TNR: variants seen among roughly 807,000 people sequenced by gnomAD.
The protein encoded by TNR is tenascin R, also known as tenascin-R.
In TNR, 45 loss-of-function variants were observed where a neutral mutation model predicts 150.4. That is an observed-to-expected ratio of 0.30 (90% CI 0.24 to 0.38). TNR has a LOEUF of 0.38. Ranked by LOEUF, TNR falls within the 10% of genes least tolerant of loss-of-function variation. The probability of loss-of-function intolerance (pLI) is 1.00; values close to 1 mark genes in which losing one functional copy is unlikely to be tolerated. For missense variants in TNR, 1,544 were observed against 1,759.1 expected (o/e 0.88, Z 2.19); for synonymous variants, 687 against 678.4 (o/e 1.01, Z -0.20).
chr1:175,646,121 C>T (rs10913045), intron 1 of TNR, among the ~76,000 whole-genome samples: 46,900 of 151,974 alleles, frequency 0.31, 9,000 homozygotes, highest in East Asian at 0.53. Context: ...TCTAGTTGCA[C>T]GCATTTATAT....
chr1:175,542,588 C>T (rs180909807), intron 1 of TNR, among the ~76,000 whole-genome samples: 73 of 152,314 alleles, frequency 4.8e-4, no homozygotes, highest in African/African-American at 1.5e-3. Context: ...ACCCACACCT[C>T]CAAGCAATGG....
chr1:175,424,007 A>C (rs1000151933), intron 2 of TNR, among the ~76,000 whole-genome samples: 8 of 152,208 alleles, frequency 5.3e-5, no homozygotes, highest in Non-Finnish European at 1.2e-4. Flanking sequence ...TTGAAAAAAA[A>C]GTTTTTTTCT....
At chr1:175,357,485 ATG>A (rs757876121) in intron 15 of TNR, among the ~76,000 whole-genome samples, 2 of 152,234 alleles carry the variant, frequency 1.3e-5, no homozygotes, top group Non-Finnish European at 2.9e-5. Flanking sequence ...TTGGAAGAGC[ATG>A]TATAAGGATA....
At position 175,542,976 on chromosome 1, in the gene TNR, G is replaced by A. The variant is rs576706338; in HGVS notation, c.-164-14607C>T. On this transcript the variant is annotated intron_variant, in intron 1 of 22. Transcript: ENST00000367674. Reference sequence around the variant, plus strand: ...AGACAGAGCTCAGGGCCAGATTCATGGGCATGAGACACAACCATGCAGTCA... The same window carrying A: ...AGACAGAGCTCAGGGCCAGATTCATAGGCATGAGACACAACCATGCAGTCA... Among the ~76,000 whole-genome samples the A allele has an allele frequency of 2.6e-5, 4 of 152,238 alleles. No homozygotes were observed. In the East Asian group the frequency reaches 5.8e-4, roughly 22 times the overall value.
At chr1:175,505,297 A>T (rs1435831020) in intron 2 of TNR, among the ~76,000 whole-genome samples, 1 of 152,222 alleles carries the variant, frequency 6.6e-6, no homozygotes, top group African/African-American at 2.4e-5. Flanking sequence ...CACTGGGCTT[A>T]TCTCGGGCTT....
chr1:175,340,517 T>C (rs1385403815), intron 18 of TNR, among the ~76,000 whole-genome samples: 1 of 152,212 alleles, frequency 6.6e-6, no homozygotes, highest in Non-Finnish European at 1.5e-5. Context: ...TCCAAAATAT[T>C]ATTCCTTTTT....
intron 1 of TNR, among the ~76,000 whole-genome samples, chr1:175,726,154 A>G (rs10913068): frequency 0.65 from 98,987 of 152,020 alleles, 33,079 homozygotes; most frequent in South Asian, 0.8. Context: ...GCTATTGGGT[A>G]TGCTAAAGTA....
intron 7 of TNR, 61 bp from the exon 8 acceptor site, chr1:175,386,362 GCT>G: frequency 1.4e-6 from 2 of 1,471,234 alleles, no homozygotes; most frequent in Non-Finnish European, 1.8e-6. Flanking sequence ...TTGGGTGTCA[GCT>G]CTCTCTTTTC....
chr1:175,479,200 T>C (rs1444136434), intron 2 of TNR, among the ~76,000 whole-genome samples: 1 of 152,218 alleles, frequency 6.6e-6, no homozygotes, highest in African/African-American at 2.4e-5. Context: ...TCTGGCTCCC[T>C]AAATGGTTGC....
chr1:175,668,101 C>A (rs1443541959), intron 1 of TNR, among the ~76,000 whole-genome samples: 2 of 152,146 alleles, frequency 1.3e-5, no homozygotes, highest in Non-Finnish European at 2.9e-5. Context: ...AAGCCCTGGT[C>A]TAATACATAC....
intron 1 of TNR, among the ~76,000 whole-genome samples, chr1:175,558,466 A>G (rs1158446815): frequency 3.3e-5 from 5 of 152,174 alleles, no homozygotes; most frequent in Non-Finnish European, 7.4e-5. Flanking sequence ...GAGGAAACTA[A>G]AGCTCAGAGA....
rs116757104 is a variant in TNR, at chr1:175,488,369, T to C, written c.-64+39900A>G. 2.8e-3 allele frequency among the ~76,000 whole-genome samples: 425 copies of C among 152,224 alleles called. 4 individuals carry two copies. Among genetic ancestry groups the C allele is most frequent in the Non-Finnish European group, 4.0e-3 (272 of 68,012 alleles). On this transcript the variant is annotated intron_variant, in intron 2 of 22. Coordinates refer to ENST00000367674, the MANE Select transcript of TNR (RefSeq NM_003285.3). ...GGAAGGGAAGAATGGAGGATGAAAA[T>C]AAATTTCTTAAAAGGATCACCACTG...
intron 2 of TNR, among the ~76,000 whole-genome samples, chr1:175,471,458 T>C (rs1336354760): frequency 6.6e-6 from 1 of 152,214 alleles, no homozygotes; most frequent in Non-Finnish European, 1.5e-5. Flanking sequence ...AGCCTATTGC[T>C]CCTACCCTGT....
rs1398709264 is a variant in TNR at position 175,366,119 on chromosome 1, G to A, written c.2073C>T (p.Asp691=). Residue 691 remains aspartate (D), a synonymous_variant, in exon 11 of 23, where the codon GAC becomes GAT. Transcript: ENST00000367674. Reference sequence around the variant, plus strand: ...TCTCCGAGGAGGCTGTCACCATGAGGTCTCGGGGACTGTCAAGTTCTGTGG... The same window carrying A: ...TCTCCGAGGAGGCTGTCACCATGAGATCTCGGGGACTGTCAAGTTCTGTGG... ...NARTELDSPR[D]LMVTASSETS... 1.2e-6 allele frequency: 2 copies of A among 1,609,252 alleles called. No homozygotes were observed. Among genetic ancestry groups the A allele is most frequent in the East Asian group, 2.2e-5 (1 of 44,808 alleles).
intron 2 of TNR, among the ~76,000 whole-genome samples, chr1:175,512,406 A>G (rs1482385145): frequency 6.6e-6 from 1 of 152,212 alleles, no homozygotes; most frequent in Non-Finnish European, 1.5e-5. Context: ...GGGGAAAAGC[A>G]ATTTTAAAAA....
chr1:175,731,809 C>T lies in TNR; in HGVS notation c.-165+11417G>A, dbSNP rs541734516. Among the ~76,000 whole-genome samples the T allele has an allele frequency of 2.8e-4, 43 of 152,314 alleles. No homozygotes were observed. In the South Asian group the frequency reaches 5.2e-3, roughly 18 times the overall value. Reference sequence around the variant, plus strand: ...CTCCCCACCAACTGTTTCCGCTCAGCATCTGATGCAAAAGCTAAACCCTAG... The same window carrying T: ...CTCCCCACCAACTGTTTCCGCTCAGTATCTGATGCAAAAGCTAAACCCTAG... On this transcript the variant is annotated intron_variant, in intron 1 of 22. Transcript: ENST00000367674.
intron 1 of TNR, among the ~76,000 whole-genome samples, chr1:175,627,811 A>G (rs1051222562): frequency 2.0e-5 from 3 of 151,984 alleles, no homozygotes; most frequent in Non-Finnish European, 4.4e-5. Context: ...AACTTTTCCT[A>G]TTGGAGAGAG....
intron 1 of TNR, among the ~76,000 whole-genome samples, chr1:175,554,339 CAAAAAAAAAA>C (rs5778860): frequency 3.5e-5 from 4 of 115,132 alleles, no homozygotes; most frequent in Non-Finnish European, 5.4e-5. Flanking sequence ...TCCTACATGG[CAAAAAAAAAA>C]AAAAAAAAAA....
At chr1:175,536,398 G>A (rs948343713) in intron 1 of TNR, among the ~76,000 whole-genome samples, 2 of 152,194 alleles carry the variant, frequency 1.3e-5, no homozygotes, top group East Asian at 3.9e-4. Flanking sequence ...GGTGTCCTGG[G>A]CACTGACCTG....
Sources: gnomAD v4.1 joint callset for allele counts (sites outside exome capture counted in the v4.1 genomes callset) on GRCh38, gnomAD v4.1.1 for gene constraint, MANE v1.5 for transcripts, NCBI Gene and HGNC (gene_info 2026-07-23, HGNC 2026-07-21) for gene names.